MSH3: variants seen among roughly 807,000 people sequenced by gnomAD.
MSH3 encodes the protein mutS homolog 3.
Under a neutral mutation model 123.3 loss-of-function variants are expected in MSH3, and 106 were observed. That is an observed-to-expected ratio of 0.86 (90% CI 0.73 to 1.01). The LOEUF is 1.01. Among genes scored for constraint, MSH3 ranks in the 50% least tolerant of loss-of-function variants. The pLI is 0.00. For synonymous variants in MSH3, 515 were observed against 481.4 expected (o/e 1.07, Z -0.91); for missense variants, 1,459 against 1,347.6 (o/e 1.08, Z -1.29).
intron 5 of MSH3, 114 bp from the exon 6 acceptor site, chr5:80,672,627 C>A: frequency 3.4e-6 from 3 of 895,490 alleles, no homozygotes; most frequent in Non-Finnish European, 5.6e-6. Context: ...TACATCTGAA[C>A]GTTGTGGACT....
chr5:80,821,393 T>C (rs1745203664), intron 20 of MSH3, among the ~76,000 whole-genome samples: 1 of 152,214 alleles, frequency 6.6e-6, no homozygotes, highest in African/African-American at 2.4e-5. Flanking sequence ...TAAATTAAAG[T>C]CATTCAGAAA....
chr5:80,819,944 G>A (rs749690205), intron 20 of MSH3, among the ~76,000 whole-genome samples: 2 of 152,162 alleles, frequency 1.3e-5, no homozygotes, highest in Non-Finnish European at 2.9e-5. Context: ...TGTCTTTAAG[G>A]AGCTCAAGTG....
intron 8 of MSH3, among the ~76,000 whole-genome samples, chr5:80,694,939 G>A (rs988959593): frequency 7.1e-5 from 10 of 140,756 alleles, no homozygotes; most frequent in African/African-American, 2.4e-4. Flanking sequence ...TTAATTATGT[G>A]TCATGGAACA....
At chr5:80,828,471 A>G (rs1429703349) in intron 20 of MSH3, among the ~76,000 whole-genome samples, 2 of 152,198 alleles carry the variant, frequency 1.3e-5, no homozygotes, top group African/African-American at 4.8e-5. Context: ...TTCAAACCAC[A>G]GCATTCTGCC....
intron 20 of MSH3, among the ~76,000 whole-genome samples, chr5:80,819,509 G>A (rs1190226957): frequency 1.4e-5 from 2 of 141,790 alleles, no homozygotes; most frequent in East Asian, 2.1e-4. Context: ...ACGGAGTTTC[G>A]CTCCTGTCGC....
chr5:80,792,795 T>C lies in MSH3; in HGVS notation c.2606T>C (p.Val869Ala), dbSNP rs748799871. Residue 869 changes from valine to alanine, a missense_variant, in exon 19 of 24, where the codon GTG (valine) becomes GCG (alanine). By Grantham distance (64) the Val-to-Ala change is moderately conservative (BLOSUM62 0). Transcript: ENST00000265081. ...AATGGAAGGCACCCTGTGATTGATG[T>C]GTTGCTGGGAGAACAGGATCAATAT... ...IKNGRHPVID[V>A]LLGEQDQYVP... 6.2e-7 allele frequency: 1 copy of C among 1,613,576 alleles called. No individual in the cohort carries two copies. The highest frequency in any genetic ancestry group is 2.2e-5 in the East Asian group (1 of 44,788).
intron 6 of MSH3, 150 bp downstream of exon 6, chr5:80,673,008 CTA>C: frequency 1.4e-6 from 1 of 710,930 alleles, no homozygotes; most frequent in South Asian, 1.5e-5. Flanking sequence ...ATTAGGTGTG[CTA>C]TTCAAGAGGG....
At chr5:80,869,926 C>T (rs1746182506) in intron 22 of MSH3, among the ~76,000 whole-genome samples, 1 of 150,708 alleles carries the variant, frequency 6.6e-6, no homozygotes, top group Admixed American at 6.6e-5. Context: ...GTAATCTCAG[C>T]ACTTTGGGAG....
intron 8 of MSH3, among the ~76,000 whole-genome samples, chr5:80,710,486 A>G (rs1750837128): frequency 6.6e-6 from 1 of 152,214 alleles, no homozygotes. Flanking sequence ...CTCTGGTGGT[A>G]AAGTTTCTGA....
chr5:80,772,005 T>C (rs1237964172), intron 15 of MSH3, among the ~76,000 whole-genome samples: 2 of 152,162 alleles, frequency 1.3e-5, no homozygotes, highest in African/African-American at 4.8e-5. Context: ...TATGAAAGTA[T>C]GTATGTATGT....
At chr5:80,678,899 G>A (rs2112818892) in intron 7 of MSH3, 28 bp from the exon 8 acceptor site, 1 of 1,613,446 alleles carries the variant, frequency 6.2e-7, no homozygotes, top group South Asian at 1.1e-5. Context: ...CATTTTTTCT[G>A]TAACATTATA....
Position 80,875,899 on chromosome 5 carries a change from T to A in MSH3, c.*37T>A. Reference sequence around the variant, plus strand: ...CATTTGTGAACAAAAAATGGAGAATTAAAAATACCAACTGTACAAAATAAC... The same window carrying A: ...CATTTGTGAACAAAAAATGGAGAATAAAAAATACCAACTGTACAAAATAAC... On this transcript the variant is annotated 3_prime_UTR_variant, in exon 24 of 24. Coordinates refer to ENST00000265081, the MANE Select transcript of MSH3 (RefSeq NM_002439.5). 8.0e-7 allele frequency: 1 copy of A among 1,254,214 alleles called. No individual in the cohort carries two copies. The highest frequency in any genetic ancestry group is 1.2e-6 in the Non-Finnish European group (1 of 856,806). 77.7% of individuals were successfully genotyped at this position (1,254,214 alleles called of 1,614,324 possible).
intron 7 of MSH3, 94 bp downstream of exon 7, chr5:80,675,222 GA>G: frequency 7.7e-7 from 1 of 1,304,240 alleles, no homozygotes; most frequent in Non-Finnish European, 1.1e-6. Flanking sequence ...GATATCTGAT[GA>G]AGTGTACCTT....
Position 80,740,740 on chromosome 5 carries a change from A to T in MSH3, c.1569-724A>T, listed in dbSNP as rs6151745. On this transcript the variant is annotated intron_variant, in intron 10 of 23. Transcript: ENST00000265081. ...TTTTTTTTTTTTTTTGCCGAGGCGT[A>T]GTCTCACTCTGTTGCCCAGGTTGGA... Among the ~76,000 whole-genome samples the T allele has an allele frequency of 2.0e-3, 280 of 141,588 alleles. 4 individuals carry two copies. Among genetic ancestry groups the T allele is most frequent in the Admixed American group, 0.018 (251 of 13,778 alleles). The allele number at this position is 141,588 out of a possible 152,430, so 92.9% of individuals were successfully genotyped here.
At chr5:80,754,055 G>A (rs1455234522) in intron 12 of MSH3, among the ~76,000 whole-genome samples, 2 of 152,090 alleles carry the variant, frequency 1.3e-5, no homozygotes, top group Non-Finnish European at 2.9e-5. Context: ...GGTTTTTGTT[G>A]TTTCAATTCC....
intron 20 of MSH3, among the ~76,000 whole-genome samples, chr5:80,849,526 C>G (rs245356): frequency 0.7 from 106,927 of 152,032 alleles, 37,625 homozygotes; most frequent in South Asian, 0.8. Context: ...GCGGAGGTTC[C>G]CAAACCTCAG....
chr5:80,874,971 T>C (rs891804104), intron 23 of MSH3, among the ~76,000 whole-genome samples: 3 of 152,198 alleles, frequency 2.0e-5, no homozygotes, highest in African/African-American at 7.2e-5. Flanking sequence ...TCACATCAAT[T>C]CCTTTGGCCA....
intron 9 of MSH3, among the ~76,000 whole-genome samples, chr5:80,726,762 G>A (rs1054628433): frequency 1.9e-4 from 29 of 152,232 alleles, no homozygotes; most frequent in African/African-American, 5.8e-4. Flanking sequence ...GAGCCACTGC[G>A]CCCAGCCAAG....
At chr5:80,853,543 A>C (rs947401060) in intron 20 of MSH3, among the ~76,000 whole-genome samples, 1 of 152,134 alleles carries the variant, frequency 6.6e-6, no homozygotes, top group African/African-American at 2.4e-5. Context: ...AAAGAAATTT[A>C]AATCTTTTGG....
Sources: gnomAD v4.1 joint callset for allele counts (sites outside exome capture counted in the v4.1 genomes callset) on GRCh38, gnomAD v4.1.1 for gene constraint, MANE v1.5 for transcripts, NCBI Gene and HGNC (gene_info 2026-07-23, HGNC 2026-07-21) for gene names.